PTPRD: variants seen among roughly 807,000 people sequenced by gnomAD.
The protein encoded by PTPRD is receptor-type tyrosine-protein phosphatase delta.
PTPRD carries 34 observed loss-of-function variants against 214.5 expected under a neutral mutation model. The ratio of observed to expected loss-of-function variants is 0.16; its 90% confidence interval spans 0.12 to 0.21. The LOEUF (loss-of-function observed/expected upper bound fraction) is 0.21, where lower values mean the gene tolerates loss of function less well. Among genes scored for constraint, PTPRD ranks in the 10% least tolerant of loss-of-function variants. The pLI, the probability that PTPRD is intolerant of heterozygous loss-of-function variation, is 1.00. For missense variants in PTPRD, 2,545 were observed against 2,398.7 expected (o/e 1.06, Z -1.27); for synonymous variants, 1,128 against 845.7 (o/e 1.33, Z -5.79).
At chr9:9,349,409 C>G (rs979125218) in intron 9 of PTPRD, among the ~76,000 whole-genome samples, 3 of 152,032 alleles carry the variant, frequency 2.0e-5, no homozygotes, top group Non-Finnish European at 4.4e-5. Flanking sequence ...AATACAGAAA[C>G]ACTGCAAGCA....
At chr9:10,468,620 A>G (rs2099010175) in intron 2 of PTPRD, among the ~76,000 whole-genome samples, 1 of 152,198 alleles carries the variant, frequency 6.6e-6, no homozygotes, top group African/African-American at 2.4e-5. Flanking sequence ...CACATTCTGC[A>G]CATGTATCCC....
chr9:8,795,393 C>A (rs781372547), intron 11 of PTPRD, among the ~76,000 whole-genome samples: 1 of 152,152 alleles, frequency 6.6e-6, no homozygotes, highest in African/African-American at 2.4e-5. Flanking sequence ...ATCTCGAACT[C>A]CTGACCTCAG....
At chr9:9,888,118 G>T (rs1004225277) in intron 5 of PTPRD, among the ~76,000 whole-genome samples, 4 of 152,088 alleles carry the variant, frequency 2.6e-5, no homozygotes, top group African/African-American at 9.7e-5. Flanking sequence ...CAGTCCTAAG[G>T]GAAGATCAAA....
At chr9:8,563,589 G>A (rs185731210) in intron 14 of PTPRD, among the ~76,000 whole-genome samples, 2 of 151,420 alleles carry the variant, frequency 1.3e-5, no homozygotes, top group East Asian at 2.0e-4. Flanking sequence ...GACATCTGCC[G>A]CCACACCTGG....
intron 8 of PTPRD, among the ~76,000 whole-genome samples, chr9:9,512,488 G>C (rs1461079219): frequency 6.6e-6 from 1 of 151,768 alleles, no homozygotes; most frequent in East Asian, 1.9e-4. Context: ...GACACTATTT[G>C]TTTTAGCTTA....
chr9:9,943,460 G>A (rs1049738030), intron 4 of PTPRD, among the ~76,000 whole-genome samples: 3 of 152,094 alleles, frequency 2.0e-5, no homozygotes, highest in Non-Finnish European at 4.4e-5. Context: ...ACTATGTGTA[G>A]TGTTCTAAGT....
At chr9:8,325,085 G>A (rs1458758356) in intron 44 of PTPRD, among the ~76,000 whole-genome samples, 1 of 138,120 alleles carries the variant, frequency 7.2e-6, no homozygotes, top group African/African-American at 2.8e-5. Context: ...ATGCTGTGCA[G>A]AAGCTCTTTA....
intron 2 of PTPRD, among the ~76,000 whole-genome samples, chr9:10,599,242 C>A (rs1269191652): frequency 2.0e-5 from 3 of 151,686 alleles, no homozygotes; most frequent in African/African-American, 7.3e-5. Context: ...CATGTCATCC[C>A]ATCAGCCTGA....
At chr9:8,879,604 G>T (rs2098424874) in intron 11 of PTPRD, among the ~76,000 whole-genome samples, 1 of 152,134 alleles carries the variant, frequency 6.6e-6, no homozygotes, top group Non-Finnish European at 1.5e-5. Flanking sequence ...TATCCCAATT[G>T]TGAATTATAG....
chr9:8,708,716 T>C (rs891970345), intron 12 of PTPRD, among the ~76,000 whole-genome samples: 35 of 141,136 alleles, frequency 2.5e-4, no homozygotes, highest in African/African-American at 9.0e-4. Context: ...AGAGCTACCA[T>C]GTGATCCAGC....
At chr9:8,481,766 A>G (rs1441756621) in intron 30 of PTPRD, among the ~76,000 whole-genome samples, 1 of 147,686 alleles carries the variant, frequency 6.8e-6, no homozygotes, top group Non-Finnish European at 1.5e-5. Context: ...TCCTAAATGC[A>G]TATCTATAAT....
At chr9:10,078,283 T>C (rs1400943972) in intron 3 of PTPRD, among the ~76,000 whole-genome samples, 2 of 146,684 alleles carry the variant, frequency 1.4e-5, no homozygotes, top group African/African-American at 5.1e-5. Flanking sequence ...GAGGCTGAGG[T>C]GGGCAGATTG....
Position 10,092,575 on chromosome 9 carries a change from A to G in PTPRD, c.-544-58785T>C, listed in dbSNP as rs940789059. Among the ~76,000 whole-genome samples the G allele has an allele frequency of 4.0e-5, 6 of 151,496 alleles. 1 individual carries two copies. Among genetic ancestry groups the G allele is most frequent in the Admixed American group, 2.0e-4 (3 of 15,138 alleles). Reference sequence around the variant, plus strand: ...AATATTACATTATTCCTTTCAAAATACAATGCCACTTTCAACAGAAATAGA... The same window carrying G: ...AATATTACATTATTCCTTTCAAAATGCAATGCCACTTTCAACAGAAATAGA... On this transcript the variant is annotated intron_variant, in intron 3 of 45. Transcript: ENST00000381196.
chr9:8,388,402 T>C (rs1395694884), intron 37 of PTPRD, among the ~76,000 whole-genome samples: 1 of 152,190 alleles, frequency 6.6e-6, no homozygotes, highest in Non-Finnish European at 1.5e-5. Flanking sequence ...ATGTCCCTAT[T>C]CTTCAATGAA....
intron 39 of PTPRD, among the ~76,000 whole-genome samples, chr9:8,352,706 G>A (rs1197420768): frequency 6.6e-6 from 1 of 152,168 alleles, no homozygotes; most frequent in African/African-American, 2.4e-5. Context: ...TACTTGGAGG[G>A]CATTTGAACT....
intron 2 of PTPRD, among the ~76,000 whole-genome samples, chr9:10,466,326 C>A (rs72700906): frequency 0.094 from 14,226 of 152,040 alleles, 849 homozygotes; most frequent in Non-Finnish European, 0.13. Context: ...AGATAAATAT[C>A]ATAAAAGAAA....
At chr9:9,079,999 C>A (rs2154419799) in intron 10 of PTPRD, among the ~76,000 whole-genome samples, 1 of 152,162 alleles carries the variant, frequency 6.6e-6, no homozygotes, top group South Asian at 2.1e-4. Context: ...TGTTCAATGA[C>A]ATCCCGAACA....
At chr9:8,683,669 T>C (rs1010580939) in intron 12 of PTPRD, among the ~76,000 whole-genome samples, 2 of 151,866 alleles carry the variant, frequency 1.3e-5, no homozygotes, top group African/African-American at 4.8e-5. Context: ...CAGTGGGGAG[T>C]CTATTCCCTC....
At chr9:8,548,234 G>C (rs1452520998) in intron 14 of PTPRD, among the ~76,000 whole-genome samples, 2 of 152,188 alleles carry the variant, frequency 1.3e-5, no homozygotes, top group Non-Finnish European at 2.9e-5. Flanking sequence ...GAATGCTTTT[G>C]TTTGCGGACA....
Sources: gnomAD v4.1 joint callset for allele counts (sites outside exome capture counted in the v4.1 genomes callset) on GRCh38, gnomAD v4.1.1 for gene constraint, MANE v1.5 for transcripts, NCBI Gene and HGNC (gene_info 2026-07-23, HGNC 2026-07-21) for gene names.